Variants in TCF12 observed in about 807,000 individuals in gnomAD.
TCF12 encodes the protein transcription factor 12.
Under a neutral mutation model 86.0 loss-of-function variants are expected in TCF12, and 45 were observed. The observed-to-expected ratio is 0.52, with a 90% CI of 0.41 to 0.67. The LOEUF (loss-of-function observed/expected upper bound fraction) is 0.67, where lower values mean the gene tolerates loss of function less well. TCF12 is among the 30% of genes least tolerant of loss of function. The pLI is 0.00. For synonymous variants in TCF12, 330 were observed against 299.6 expected (o/e 1.10, Z -1.05); for missense variants, 881 against 859.9 (o/e 1.02, Z -0.31).
intron 3 of TCF12, among the ~76,000 whole-genome samples, chr15:56,998,536 C>T (rs113556597): frequency 0.041 from 6,270 of 151,626 alleles, 367 homozygotes; most frequent in African/African-American, 0.13. Flanking sequence ...ATGCTTTACC[C>T]AATAATAGCA....
chr15:56,937,289 T>C (rs776159087), intron 3 of TCF12, among the ~76,000 whole-genome samples: 4 of 152,176 alleles, frequency 2.6e-5, no homozygotes, highest in Non-Finnish European at 5.9e-5. Flanking sequence ...TGTTGGTGTA[T>C]AGTAGAGCTA....
intron 5 of TCF12, among the ~76,000 whole-genome samples, chr15:57,165,418 A>T (rs956714687): frequency 6.6e-6 from 1 of 152,226 alleles, no homozygotes; most frequent in Admixed American, 6.5e-5. Context: ...ACAGTAATGT[A>T]TATTGTTCGA....
intron 3 of TCF12, among the ~76,000 whole-genome samples, chr15:56,931,786 T>C (rs2140271375): frequency 6.6e-6 from 1 of 152,274 alleles, no homozygotes; most frequent in Non-Finnish European, 1.5e-5. Context: ...ACTAAGAAAG[T>C]AGTAATGAAG....
At chr15:57,170,574 T>C (rs1395850865) in intron 6 of TCF12, among the ~76,000 whole-genome samples, 1 of 137,270 alleles carries the variant, frequency 7.3e-6, no homozygotes, top group Non-Finnish European at 1.5e-5. Context: ...GGTCTTCATA[T>C]ACCTCCCTGA....
intron 20 of TCF12, among the ~76,000 whole-genome samples, chr15:57,283,638 A>G (rs1431845445): frequency 1.3e-5 from 2 of 152,224 alleles, no homozygotes; most frequent in Non-Finnish European, 2.9e-5. Flanking sequence ...GATTAAAGGT[A>G]GTAAGTAAAG....
intron 4 of TCF12, among the ~76,000 whole-genome samples, chr15:57,082,286 T>TTG (rs2048362257): frequency 6.6e-6 from 1 of 152,242 alleles, no homozygotes; most frequent in Non-Finnish European, 1.5e-5. Flanking sequence ...GCAGCCAGTC[T>TTG]TGTTGCCATG....
chr15:57,138,659 C>G (rs1388095254), intron 5 of TCF12, among the ~76,000 whole-genome samples: 1 of 152,184 alleles, frequency 6.6e-6, no homozygotes, highest in African/African-American at 2.4e-5. Flanking sequence ...ATCACTTATT[C>G]TCAAAAGAGT....
Position 57,091,974 on chromosome 15 carries a change from A to C in TCF12, c.325+83A>C, listed in dbSNP as rs553489631. 2.0e-3 allele frequency: 2,318 copies of C among 1,146,532 alleles called. 5 individuals are homozygous for C. The highest frequency in any genetic ancestry group is 2.5e-3 in the Non-Finnish European group (1,915 of 776,748). The allele number at this position is 1,146,532 out of a possible 1,614,324, so 71.0% of individuals were successfully genotyped here. ...TTTTATCCCTTTGTCCAGGAGGGACAGGTAAGTATCTAGAAGAAAGTTCTT... is the reference window on the plus strand; with the variant it reads ...TTTTATCCCTTTGTCCAGGAGGGACCGGTAAGTATCTAGAAGAAAGTTCTT... On this transcript the variant is annotated intron_variant, in intron 5 of 20. Coordinates refer to ENST00000333725, the MANE Select transcript of TCF12 (RefSeq NM_207037.2).
intron 3 of TCF12, among the ~76,000 whole-genome samples, chr15:57,043,918 T>C (rs527985566): frequency 6.6e-6 from 1 of 152,278 alleles, no homozygotes; most frequent in East Asian, 1.9e-4. Flanking sequence ...CCGTCATGCA[T>C]TGTTTTTAAA....
At chr15:57,138,732 C>CTA (rs1329199179) in intron 5 of TCF12, among the ~76,000 whole-genome samples, 1 of 152,260 alleles carries the variant, frequency 6.6e-6, no homozygotes, top group African/African-American at 2.4e-5. Context: ...AGAGGCCTAA[C>CTA]TATGTTTATT....
chr15:57,197,449 C>T (rs1192614957), intron 7 of TCF12, among the ~76,000 whole-genome samples: 1 of 152,186 alleles, frequency 6.6e-6, no homozygotes, highest in African/African-American at 2.4e-5. Context: ...TGAGCCACCA[C>T]ATCCGGCCGA....
At chr15:57,181,444 TCG>T (rs34829737) in intron 6 of TCF12, among the ~76,000 whole-genome samples, 152,000 of 152,172 alleles carry the variant, frequency 1, 75,915 homozygotes, top group Middle Eastern at 1. Flanking sequence ...TGATTCTGAA[TCG>T]CCTCCTAGCT....
At chr15:57,013,643 C>CTGTA (rs2064974896) in intron 3 of TCF12, among the ~76,000 whole-genome samples, 1 of 152,092 alleles carries the variant, frequency 6.6e-6, no homozygotes, top group Non-Finnish European at 1.5e-5. Context: ...TTCAAAAGTC[C>CTGTA]TGTAGCTCAT....
At chr15:57,061,247 T>C (rs1286138354) in intron 3 of TCF12, among the ~76,000 whole-genome samples, 1 of 152,226 alleles carries the variant, frequency 6.6e-6, no homozygotes, top group East Asian at 1.9e-4. Flanking sequence ...TGAGATGTTC[T>C]CTGTAACTGG....
intron 3 of TCF12, among the ~76,000 whole-genome samples, chr15:57,059,584 A>ACTG (rs1199696451): frequency 6.6e-6 from 1 of 151,982 alleles, no homozygotes; most frequent in Non-Finnish European, 1.5e-5. Flanking sequence ...CAGAGAAGGA[A>ACTG]CTGGTGTTCA....
At chr15:57,037,622 C>A (rs538745272) in intron 3 of TCF12, among the ~76,000 whole-genome samples, 1 of 152,120 alleles carries the variant, frequency 6.6e-6, no homozygotes, top group Non-Finnish European at 1.5e-5. Context: ...GAAAATTGTT[C>A]GGTTTCTTAT....
chr15:57,232,753 G>A lies in TCF12; in HGVS notation c.867G>A (p.Thr289=), dbSNP rs138618347. The change falls in exon 11 of 21, where the codon ACG becomes ACA. Residue 289 remains threonine, a synonymous_variant. Transcript: ENST00000333725. ...PHSVSPTDIN[T]SLPPMSSFHR... ...CAGTTTCACCAACAGACATAAACAC[G>A]AGTCTTCCACCAATGTCCAGCTTTC... 4.2e-5 allele frequency: 67 copies of A among 1,611,550 alleles called. No individual in the cohort carries two copies. Among genetic ancestry groups the A allele is most frequent in the Non-Finnish European group, 5.0e-5 (59 of 1,178,972 alleles).
chr15:57,145,530 A>G (rs1182847643), intron 5 of TCF12, among the ~76,000 whole-genome samples: 2 of 152,192 alleles, frequency 1.3e-5, no homozygotes, highest in African/African-American at 4.8e-5. Context: ...TGAGTGATGG[A>G]CTTCTAATTC....
At chr15:56,949,050 A>G (rs1457100013) in intron 3 of TCF12, among the ~76,000 whole-genome samples, 1 of 152,212 alleles carries the variant, frequency 6.6e-6, no homozygotes, top group Non-Finnish European at 1.5e-5. Flanking sequence ...GGTCACTTTC[A>G]TAGACCTCTG....
Sources: allele counts gnomAD v4.1 joint callset (sites outside exome capture counted in the v4.1 genomes callset), GRCh38; gene constraint gnomAD v4.1.1; transcripts MANE v1.5; gene names NCBI Gene and HGNC (gene_info 2026-07-23, HGNC 2026-07-21).